The following TAX1BP1 variants were observed in gnomAD, a reference collection of about 807,000 sequenced individuals.
TAX1BP1 encodes tax1-binding protein 1.
TAX1BP1 carries 62 observed loss-of-function variants against 97.7 expected under a neutral mutation model. The observed-to-expected ratio is 0.63, with a 90% CI of 0.52 to 0.78. The LOEUF (loss-of-function observed/expected upper bound fraction) is 0.78, where lower values mean the gene tolerates loss of function less well. Among genes scored for constraint, TAX1BP1 ranks in the 30% least tolerant of loss-of-function variants. The probability of loss-of-function intolerance (pLI) is 0.00; values close to 1 mark genes in which losing one functional copy is unlikely to be tolerated. For missense variants in TAX1BP1, 867 were observed against 916.1 expected (o/e 0.95, Z 0.69); for synonymous variants, 340 against 304.2 (o/e 1.12, Z -1.23).
intron 13 of TAX1BP1, among the ~76,000 whole-genome samples, chr7:27,810,253 C>G (rs1469727690): frequency 6.6e-6 from 1 of 151,580 alleles, no homozygotes; most frequent in East Asian, 1.9e-4. Context: ...TGGATTTAAC[C>G]TTTCTTTTTT....
At chr7:27,791,368 A>G (rs1789700492) in intron 8 of TAX1BP1, among the ~76,000 whole-genome samples, 1 of 152,194 alleles carries the variant, frequency 6.6e-6, no homozygotes, top group Non-Finnish European at 1.5e-5. Flanking sequence ...CATTAATATT[A>G]AAGGAAATAA....
intron 5 of TAX1BP1, among the ~76,000 whole-genome samples, chr7:27,781,118 C>T (rs976230049): frequency 1.3e-5 from 2 of 152,138 alleles, no homozygotes; most frequent in Non-Finnish European, 2.9e-5. Context: ...GCCTGTCTCT[C>T]TTCCCCCTCC....
At chr7:27,817,184 T>C in intron 15 of TAX1BP1, 146 bp downstream of exon 15, 1 of 975,318 alleles carries the variant, frequency 1.0e-6, no homozygotes, top group Non-Finnish European at 1.4e-6. Flanking sequence ...TGCACACAAT[T>C]GCCTACTTGA....
intron 13 of TAX1BP1, among the ~76,000 whole-genome samples, chr7:27,807,380 A>G (rs1008977951): frequency 6.6e-6 from 1 of 152,164 alleles, no homozygotes; most frequent in East Asian, 1.9e-4. Flanking sequence ...GATCCAATCC[A>G]TGATCATACA....
chr7:27,817,361 A>G (rs1172536171), intron 15 of TAX1BP1, among the ~76,000 whole-genome samples: 34 of 152,204 alleles, frequency 2.2e-4, no homozygotes, highest in East Asian at 1.9e-4. Context: ...GTAACTTACT[A>G]TATTCTTTTG....
rs368062908 is a variant in TAX1BP1, at chr7:27,742,719, GC to G, written c.-8+2452del. ...CTGACCTCTTGATCCGCCTGCCTCG[GC>G]CTTCCAAAGTGCTGGGATTACAGGT... On this transcript the variant is annotated intron_variant, in intron 1 of 16. Coordinates refer to ENST00000396319, the MANE Select transcript of TAX1BP1 (RefSeq NM_006024.7). 6.9e-3 allele frequency among the ~76,000 whole-genome samples: 1,049 copies of G among 152,206 alleles called. 17 individuals are homozygous for G. Among genetic ancestry groups the G allele is most frequent in the African/African-American group, 0.024 (979 of 41,524 alleles).
intron 13 of TAX1BP1, among the ~76,000 whole-genome samples, chr7:27,802,372 T>TA (rs1790173616): frequency 6.6e-6 from 1 of 152,210 alleles, no homozygotes; most frequent in Admixed American, 6.5e-5. Flanking sequence ...CCTTCCCTGA[T>TA]CACCTGCCAT....
intron 15 of TAX1BP1, among the ~76,000 whole-genome samples, chr7:27,827,217 G>A (rs1214624341): frequency 6.6e-6 from 1 of 152,088 alleles, no homozygotes; most frequent in Admixed American, 6.5e-5. Context: ...GCTGGGCATG[G>A]TGGTGCACAC....
Position 27,758,137 on chromosome 7 carries a change from A to G in TAX1BP1, c.265+4A>G. On this transcript the variant is annotated splice_donor_region_variant and intron_variant, in intron 3 of 16. Coordinates refer to ENST00000396319, the MANE Select transcript of TAX1BP1 (RefSeq NM_006024.7). ...AATTGTGTACTAGCATTCCAAGGTA[A>G]GGACTGAAAACTGCAGAACTCAATG... The G allele has an allele frequency of 3.1e-6, 5 of 1,603,458 alleles. No individual in the cohort carries two copies. In the South Asian group the frequency reaches 3.3e-5, roughly 11 times the overall value.
In TAX1BP1 at chr7:27,817,031, A is replaced by T; in HGVS notation, c.2078A>T (p.Asp693Val). The T allele has an allele frequency of 6.2e-7, 1 of 1,601,594 alleles. No homozygotes were observed. The highest frequency in any genetic ancestry group is 8.5e-7 in the Non-Finnish European group (1 of 1,176,976). The change falls in exon 15 of 17, where the codon GAT becomes GTT. Residue 693 changes from aspartate to valine, a missense_variant. Around this residue, in one of 3 missense-constraint regions of TAX1BP1, gnomAD observed 822 missense variants for 851.4 expected, o/e 0.97. Coordinates refer to ENST00000396319, the MANE Select transcript of TAX1BP1 (RefSeq NM_006024.7). ...CCTGATGGCTTAGAGGACTCTGAGG[A>T]TAGCAAAGTAAATTGAATTTTCATT... ...SRPDGLEDSE[D>V]SKEDENVPTA...
chr7:27,743,324 G>A (rs1204342353), intron 1 of TAX1BP1, among the ~76,000 whole-genome samples: 1 of 152,120 alleles, frequency 6.6e-6, no homozygotes, highest in African/African-American at 2.4e-5. Flanking sequence ...CTTTTTTTGA[G>A]CCACAGTGTG....
At chr7:27,813,878 A>G (rs1027576822) in intron 13 of TAX1BP1, among the ~76,000 whole-genome samples, 3 of 152,178 alleles carry the variant, frequency 2.0e-5, no homozygotes, top group Admixed American at 6.5e-5. Flanking sequence ...TTTTCTTTCA[A>G]TTTATGTGTA....
chr7:27,815,589 G>T (rs763458285), intron 13 of TAX1BP1, among the ~76,000 whole-genome samples: 1 of 152,100 alleles, frequency 6.6e-6, no homozygotes, highest in African/African-American at 2.4e-5. Context: ...AAGGTCTCTA[G>T]TTTTTTTGTG....
At chr7:27,799,827 A>G in intron 12 of TAX1BP1, 138 bp from the exon 13 acceptor site, 1 of 507,754 alleles carries the variant, frequency 2.0e-6, no homozygotes, top group Non-Finnish European at 3.3e-6. Flanking sequence ...GTCTATTAAT[A>G]GACATTTGAT....
At chr7:27,777,955 G>A (rs6963125) in intron 5 of TAX1BP1, among the ~76,000 whole-genome samples, 6,286 of 152,214 alleles carry the variant, frequency 0.041, 410 homozygotes, top group African/African-American at 0.14. Context: ...ATCTTGGCAC[G>A]ATTTTAGTTG....
chr7:27,828,017 T>G (rs1791252208), intron 16 of TAX1BP1, among the ~76,000 whole-genome samples, 197 bp downstream of exon 16: 1 of 152,228 alleles, frequency 6.6e-6, no homozygotes, highest in African/African-American at 2.4e-5. Context: ...CATTTTTAAC[T>G]TGCAGTATTT....
At chr7:27,827,639 G>A in intron 15 of TAX1BP1, 99 bp from the exon 16 acceptor site, 1 of 920,748 alleles carries the variant, frequency 1.1e-6, no homozygotes, top group East Asian at 2.5e-5. Context: ...TTCCTGAAGT[G>A]TAATCTTCTT....
chr7:27,785,165 T>C lies in TAX1BP1; in HGVS notation c.615T>C (p.Gly205=), dbSNP rs1419587083. The C allele has an allele frequency of 1.2e-6, 2 of 1,605,232 alleles. No individual in the cohort carries two copies. Among genetic ancestry groups the C allele is most frequent in the East Asian group, 2.2e-5 (1 of 44,716 alleles). ...RCDQLQAEQK[G]LTEVTQSLKM... Reference sequence around the variant, plus strand: ...AATACCTTGTTGTCACTTCTCAGGGTCTTACTGAAGTAACACAAAGCTTAA... The same window carrying C: ...AATACCTTGTTGTCACTTCTCAGGGCCTTACTGAAGTAACACAAAGCTTAA... The change falls in exon 6 of 17, where the codon GGT becomes GGC. Residue 205 remains glycine, a splice_region_variant and synonymous_variant. Transcript: ENST00000396319.
At chr7:27,739,759 C>T (rs1328521094), upstream of TAX1BP1, 1 of 152,262 alleles carries the variant, frequency 6.6e-6, no homozygotes, top group African/African-American at 2.4e-5. Context: ...CCTTGCTTCT[C>T]TGGCTATTTC....
Sources: gnomAD v4.1 joint callset for allele counts (sites outside exome capture counted in the v4.1 genomes callset) on GRCh38, gnomAD v4.1.1 for gene constraint, gnomAD v4.1.1 regional missense constraint, MANE v1.5 for transcripts, NCBI Gene and HGNC (gene_info 2026-07-23, HGNC 2026-07-21) for gene names.